The following HMCN1 variants were observed in gnomAD, a reference collection of about 807,000 sequenced individuals.
The protein encoded by HMCN1 is hemicentin 1.
HMCN1 carries 321 observed loss-of-function variants against 625.9 expected under a neutral mutation model. The observed-to-expected ratio is 0.51, with a 90% CI of 0.47 to 0.56. The LOEUF (loss-of-function observed/expected upper bound fraction) is 0.56, where lower values mean the gene tolerates loss of function less well. HMCN1 is among the 20% of genes least tolerant of loss of function. The pLI is 0.00. For missense variants in HMCN1, 6,588 were observed against 6,887.3 expected (o/e 0.96, Z 1.54); for synonymous variants, 2,425 against 2,417.6 (o/e 1.00, Z -0.09).
At chr1:185,994,101 C>T (rs1045145928) in intron 23 of HMCN1, among the ~76,000 whole-genome samples, 1 of 151,998 alleles carries the variant, frequency 6.6e-6, no homozygotes, top group African/African-American at 2.4e-5. Context: ...AGAAAGTGTT[C>T]ATTAAATATT....
Position 185,864,517 on chromosome 1 carries a change from C to T in HMCN1, c.387C>T (p.Ala129=), listed in dbSNP as rs1663061143. The change falls in exon 3 of 107, where the codon GCC becomes GCT. Residue 129 remains alanine (A), a synonymous_variant. Coordinates refer to ENST00000271588, the MANE Select transcript of HMCN1 (RefSeq NM_031935.3). ...PEMSIGAIKI[A]LEISLPGSFI... ...TGAGTATTGGAGCTATAAAAATTGCCTTGGAAATTTCTCTTCCTGGTTCTT... is the reference window on the plus strand; with the variant it reads ...TGAGTATTGGAGCTATAAAAATTGCTTTGGAAATTTCTCTTCCTGGTTCTT... The T allele has an allele frequency of 6.2e-7, 1 of 1,613,904 alleles. No individual in the cohort carries two copies. Among genetic ancestry groups the T allele is most frequent in the Non-Finnish European group, 8.5e-7 (1 of 1,179,974 alleles).
intron 1 of HMCN1, among the ~76,000 whole-genome samples, chr1:185,761,990 C>T (rs1412058501): frequency 2.0e-5 from 3 of 152,182 alleles, no homozygotes; most frequent in Non-Finnish European, 2.9e-5. Flanking sequence ...GTTTCTGGAC[C>T]GTCACCCTAT....
intron 1 of HMCN1, among the ~76,000 whole-genome samples, chr1:185,740,398 G>A (rs1348239818): frequency 6.6e-6 from 1 of 152,142 alleles, no homozygotes; most frequent in Non-Finnish European, 1.5e-5. Flanking sequence ...TTTTGAAGAT[G>A]AAACCAAAAG....
At chr1:186,079,116 G>T (rs1186973843) in intron 55 of HMCN1, among the ~76,000 whole-genome samples, 2 of 150,350 alleles carry the variant, frequency 1.3e-5, no homozygotes, top group Non-Finnish European at 3.0e-5. Flanking sequence ...CTCATCAGCA[G>T]CTCTCTCATC....
chr1:185,871,312 C>T (rs1259065690), intron 4 of HMCN1, among the ~76,000 whole-genome samples: 1 of 150,864 alleles, frequency 6.6e-6, no homozygotes, highest in Non-Finnish European at 1.5e-5. Context: ...GAGGGGTAAA[C>T]AGAAAAGATT....
In HMCN1 at chr1:186,082,949, C is replaced by G. The variant is rs894335063; in HGVS notation, c.8872C>G (p.Leu2958Val). ...TGGGAGTGCCAAAAAATATTTTAAC[C>G]TCAATGTTCATGGTAAGAGCTCAGT... ...TAGSAKKYFN[L>V]NVHVPPSVIG... The change falls in exon 57 of 107, where the codon CTC becomes GTC. Residue 2958 changes from leucine to valine, a missense_variant. Physicochemically the swap from Leu to Val is conservative, Grantham distance 32. Transcript: ENST00000271588. 1 of 1,585,204 alleles carries G rather than the reference C, an allele frequency of 6.3e-7. No homozygotes were observed. Among genetic ancestry groups the G allele is most frequent in the South Asian group, 1.2e-5 (1 of 86,940 alleles).
At chr1:186,136,135 C>T (rs1649589343) in intron 86 of HMCN1, among the ~76,000 whole-genome samples, 1 of 151,704 alleles carries the variant, frequency 6.6e-6, no homozygotes, top group Non-Finnish European at 1.5e-5. Context: ...GAGATTGTGC[C>T]ATTGCACTCC....
chr1:186,176,479 A>G (rs1652586035), intron 103 of HMCN1, among the ~76,000 whole-genome samples: 2 of 152,226 alleles, frequency 1.3e-5, no homozygotes, highest in Non-Finnish European at 1.5e-5. Context: ...CGTGTATTTA[A>G]GACTACGTAT....
chr1:185,960,523 C>T (rs1649938937), intron 11 of HMCN1, among the ~76,000 whole-genome samples: 1 of 152,180 alleles, frequency 6.6e-6, no homozygotes, highest in South Asian at 2.1e-4. Flanking sequence ...TATTTCATGA[C>T]CCTGAGTAGC....
In HMCN1 at chr1:186,016,489, G is replaced by A. The variant is rs551969683; in HGVS notation, c.5191+250G>A. The stretch of plus-strand genomic sequence containing the variant: ...TGCAAGTGCATAGATACATTTTTAC[G>A]TCTATGACAATGTCTAATCGCAATG... On this transcript the variant is annotated intron_variant, in intron 32 of 106. Transcript: ENST00000271588. 9.9e-5 allele frequency among the ~76,000 whole-genome samples: 15 copies of A among 151,954 alleles called. No homozygotes were observed. The East Asian group carries it at 1.2e-3, about 12-fold the overall frequency.
At chr1:185,887,847 G>T (rs1664770086) in intron 4 of HMCN1, among the ~76,000 whole-genome samples, 1 of 140,598 alleles carries the variant, frequency 7.1e-6, no homozygotes, top group African/African-American at 2.7e-5. Flanking sequence ...TGGGTCAAAT[G>T]GTATTTCCAG....
At chr1:185,993,063 A>T in intron 22 of HMCN1, 119 bp from the exon 23 acceptor site, 3 of 907,604 alleles carry the variant, frequency 3.3e-6, no homozygotes, top group Non-Finnish European at 5.4e-6. Context: ...TACATTGCAG[A>T]TGGGAAAATG....
At chr1:185,981,167 C>CA in intron 17 of HMCN1, 94 bp downstream of exon 17, 3 of 804,924 alleles carry the variant, frequency 3.7e-6, no homozygotes, top group Non-Finnish European at 6.6e-6. Flanking sequence ...TAAAAAAAAA[C>CA]AAAAGATAAA....
At chr1:185,951,947 G>A (rs1163513443) in intron 11 of HMCN1, among the ~76,000 whole-genome samples, 1 of 151,846 alleles carries the variant, frequency 6.6e-6, no homozygotes. Context: ...GGGTTTGAGG[G>A]CCGGAATTTA....
chr1:186,063,382 A>C (rs1417842299), intron 48 of HMCN1, among the ~76,000 whole-genome samples: 1 of 149,596 alleles, frequency 6.7e-6, no homozygotes, highest in African/African-American at 2.5e-5. Context: ...AAATACCAAA[A>C]AGAAAAGAAG....
At chr1:185,952,256 C>T (rs1355961703) in intron 11 of HMCN1, among the ~76,000 whole-genome samples, 6 of 151,648 alleles carry the variant, frequency 4.0e-5, no homozygotes, top group South Asian at 2.1e-4. Context: ...AACTGTAAGC[C>T]GGACCAGGTG....
intron 10 of HMCN1, among the ~76,000 whole-genome samples, chr1:185,932,374 A>G (rs1248133712): frequency 6.6e-6 from 1 of 152,214 alleles, no homozygotes. Context: ...TTATGATATT[A>G]ATCTGCACTC....
chr1:186,021,479 T>G (rs1046612322), intron 35 of HMCN1, among the ~76,000 whole-genome samples: 2 of 152,008 alleles, frequency 1.3e-5, no homozygotes, highest in African/African-American at 2.4e-5. Flanking sequence ...TGGGCATGGA[T>G]GAGTTAATCC....
At chr1:186,104,132 A>G (rs1044710583) in intron 69 of HMCN1, among the ~76,000 whole-genome samples, 1 of 152,148 alleles carries the variant, frequency 6.6e-6, no homozygotes, top group African/African-American at 2.4e-5. Flanking sequence ...TGTTTAAGAA[A>G]ACTGATCTGA....
Sources: allele counts gnomAD v4.1 joint callset (sites outside exome capture counted in the v4.1 genomes callset), GRCh38; gene constraint gnomAD v4.1.1; transcripts MANE v1.5; gene names NCBI Gene and HGNC (gene_info 2026-07-23, HGNC 2026-07-21).